The following MTUS2 variants were observed in gnomAD, a reference collection of about 807,000 sequenced individuals.
MTUS2 encodes the protein microtubule associated scaffold protein 2.
In MTUS2, 40 loss-of-function variants were observed where a neutral mutation model predicts 114.1. That is an observed-to-expected ratio of 0.35 (90% confidence interval 0.27 to 0.46). The LOEUF (loss-of-function observed/expected upper bound fraction) is 0.46, where lower values mean the gene tolerates loss of function less well. MTUS2 is among the 20% of genes least tolerant of loss of function. MTUS2 has a pLI of 1.00. For missense variants in MTUS2, 1,679 were observed against 1,705.4 expected (o/e 0.98, Z 0.27); for synonymous variants, 688 against 672.0 (o/e 1.02, Z -0.37).
chr13:29,367,383 G>A (rs1377473060), intron 8 of MTUS2, among the ~76,000 whole-genome samples: 1 of 152,184 alleles, frequency 6.6e-6, no homozygotes, highest in South Asian at 2.1e-4. Flanking sequence ...GATGATGATG[G>A]TGGGGAATGA....
intron 8 of MTUS2, among the ~76,000 whole-genome samples, chr13:29,408,597 T>C (rs1874969389): frequency 6.6e-6 from 1 of 152,136 alleles, no homozygotes; most frequent in Admixed American, 6.5e-5. Flanking sequence ...GAATTACAGG[T>C]GTGAGCCACA....
intron 4 of MTUS2, among the ~76,000 whole-genome samples, chr13:29,087,998 G>A (rs556023110): frequency 2.5e-4 from 37 of 150,608 alleles, no homozygotes; most frequent in Non-Finnish European, 5.2e-4. Context: ...GGCGGAGCTT[G>A]CAGTGGGCTG....
chr13:29,065,921 C>CG (rs1363075725), intron 4 of MTUS2, among the ~76,000 whole-genome samples: 2 of 152,086 alleles, frequency 1.3e-5, no homozygotes, highest in South Asian at 2.1e-4. Context: ...AACCCCCCCC[C>CG]ACCTGACATG....
At chr13:29,010,408 C>T (rs1189631045) in intron 2 of MTUS2, among the ~76,000 whole-genome samples, 1 of 152,108 alleles carries the variant, frequency 6.6e-6, no homozygotes, top group African/African-American at 2.4e-5. Flanking sequence ...GGAATGGAGT[C>T]TTGGGATAAT....
intron 9 of MTUS2, among the ~76,000 whole-genome samples, chr13:29,469,124 G>T (rs906048308): frequency 6.6e-6 from 1 of 152,174 alleles, no homozygotes; most frequent in South Asian, 2.1e-4. Context: ...CCCCTGAGAG[G>T]CCTGTGCCTT....
chr13:29,378,011 G>A (rs568685422), intron 8 of MTUS2, among the ~76,000 whole-genome samples: 1 of 152,160 alleles, frequency 6.6e-6, no homozygotes. Context: ...GAAAGAAGCT[G>A]GTCTCGAAAG....
chr13:29,145,782 C>T (rs907309897), intron 5 of MTUS2, among the ~76,000 whole-genome samples: 3 of 152,092 alleles, frequency 2.0e-5, no homozygotes. Context: ...TTTCTCTTTG[C>T]ACACTTGTAT....
At chr13:28,823,364 A>G (rs764781030) in intron 1 of MTUS2, among the ~76,000 whole-genome samples, 1 of 152,354 alleles carries the variant, frequency 6.6e-6, no homozygotes, top group African/African-American at 2.4e-5. Flanking sequence ...TCTACCACAC[A>G]CATGTTTGAA....
At chr13:29,132,531 C>T (rs1447007451) in intron 5 of MTUS2, among the ~76,000 whole-genome samples, 1 of 152,172 alleles carries the variant, frequency 6.6e-6, no homozygotes, top group African/African-American at 2.4e-5. Context: ...CCTCCAGCCC[C>T]TGGAAACCAC....
chr13:29,440,766 C>G (rs753216608), intron 9 of MTUS2, among the ~76,000 whole-genome samples: 4 of 152,152 alleles, frequency 2.6e-5, no homozygotes, highest in Non-Finnish European at 5.9e-5. Flanking sequence ...CCTCCTCCAT[C>G]TAGTGTGGTC....
At chr13:29,460,808 A>G (rs1429157149) in intron 9 of MTUS2, among the ~76,000 whole-genome samples, 1 of 152,094 alleles carries the variant, frequency 6.6e-6, no homozygotes, top group African/African-American at 2.4e-5. Context: ...ATCAGGGGAT[A>G]GACTGATTTT....
At chr13:29,148,101 A>G (rs947802953) in intron 5 of MTUS2, among the ~76,000 whole-genome samples, 4 of 151,288 alleles carry the variant, frequency 2.6e-5, no homozygotes, top group African/African-American at 7.3e-5. Context: ...CCTCACCACC[A>G]TCTGTTGTTT....
intron 8 of MTUS2, among the ~76,000 whole-genome samples, chr13:29,404,791 G>A (rs1874626484): frequency 6.6e-6 from 1 of 152,216 alleles, no homozygotes; most frequent in Admixed American, 6.5e-5. Context: ...AAATGAGACA[G>A]AAGTGTTGTT....
At chr13:29,204,219 A>G (rs573129733) in intron 5 of MTUS2, among the ~76,000 whole-genome samples, 1 of 152,202 alleles carries the variant, frequency 6.6e-6, no homozygotes, top group African/African-American at 2.4e-5. Context: ...CGGTCTCCCA[A>G]AGTGTTAGGA....
chr13:28,918,866 G>T lies in MTUS2; in HGVS notation c.-243+79016G>T, dbSNP rs540714474. 9.2e-5 allele frequency among the ~76,000 whole-genome samples: 14 copies of T among 151,978 alleles called. No individual in the cohort carries two copies. In the South Asian group the frequency reaches 2.9e-3, roughly 32 times the overall value. On this transcript the variant is annotated intron_variant, in intron 2 of 15. Transcript: ENST00000612955. ...TTTTCTGATTTGAAGCTACCATAAG[G>T]CTTGCAAATAATATCTTATAGCCTA... is the stretch of plus-strand genomic sequence containing the variant.
rs932952295 is a variant in MTUS2 at position 29,360,696 on chromosome 13, C to A, written c.3117+1223C>A. On this transcript the variant is annotated intron_variant, in intron 8 of 15. Coordinates refer to ENST00000612955, the MANE Select transcript of MTUS2 (RefSeq NM_001033602.4). ...GCATAAAGTAGCCGAACACCCCCCCCCCCCCGTAAGAATTAAAGTTACAAA... is the reference window on the plus strand; with the variant it reads ...GCATAAAGTAGCCGAACACCCCCCCACCCCCGTAAGAATTAAAGTTACAAA... Among the ~76,000 whole-genome samples the A allele has an allele frequency of 4.6e-4, 63 of 136,252 alleles. 2 individuals carry two copies. Among genetic ancestry groups the A allele is most frequent in the African/African-American group, 8.9e-4 (35 of 39,262 alleles). The allele number at this position is 136,252 out of a possible 152,430, so 89.4% of individuals were successfully genotyped here.
chr13:28,919,182 T>A (rs1288583322), intron 2 of MTUS2, among the ~76,000 whole-genome samples: 1 of 152,178 alleles, frequency 6.6e-6, no homozygotes, highest in African/African-American at 2.4e-5. Context: ...CTTCAGATGA[T>A]TCATTATTGC....
chr13:29,491,907 GT>G, intron 11 of MTUS2, among the ~76,000 whole-genome samples: 1 of 141,512 alleles, frequency 7.1e-6, no homozygotes, highest in Admixed American at 7.0e-5. Context: ...GTGGCGTGTA[GT>G]GTGTGTATGT....
At chr13:29,093,803 G>A (rs927763001) in intron 4 of MTUS2, among the ~76,000 whole-genome samples, 25 of 152,156 alleles carry the variant, frequency 1.6e-4, no homozygotes, top group Admixed American at 1.6e-3. Flanking sequence ...AACAGAAATT[G>A]TGAGAGCAGA....
Sources: gnomAD v4.1 joint callset for allele counts (sites outside exome capture counted in the v4.1 genomes callset) on GRCh38, gnomAD v4.1.1 for gene constraint, MANE v1.5 for transcripts, NCBI Gene and HGNC (gene_info 2026-07-23, HGNC 2026-07-21) for gene names.